The following FHIT variants were observed in gnomAD, a reference collection of about 807,000 sequenced individuals.
FHIT encodes the protein bis(5'-adenosyl)-triphosphatase.
In FHIT, 19 loss-of-function variants were observed where a neutral mutation model predicts 17.9. That is an observed-to-expected ratio of 1.06 (90% CI 0.74 to 1.56). The LOEUF is 1.56. Ranked by LOEUF, FHIT falls within the 40% of genes most tolerant of loss-of-function variation. The probability of loss-of-function intolerance (pLI) is 0.00; values close to 1 mark genes in which losing one functional copy is unlikely to be tolerated. For synonymous variants in FHIT, 81 were observed against 69.7 expected, an observed-to-expected ratio of 1.16 and a Z score of -0.81; for missense variants, 248 against 189.2, an observed-to-expected ratio of 1.31 and a Z score of -1.82.
intron 7 of FHIT, among the ~76,000 whole-genome samples, chr3:59,971,458 G>C (rs990571562): frequency 2.6e-5 from 4 of 151,972 alleles, no homozygotes; most frequent in Non-Finnish European, 5.9e-5. Context: ...GTAAGACACA[G>C]CTGATAGATA....
At chr3:60,450,445 CCTGTATAGAA>C (rs1263983343) in intron 5 of FHIT, among the ~76,000 whole-genome samples, 2 of 151,776 alleles carry the variant, frequency 1.3e-5, no homozygotes, top group Admixed American at 6.6e-5. Flanking sequence ...TTATCCAGGT[CCTGTATAGAA>C]CTGTATAGAA....
At chr3:60,612,057 G>A (rs563199188) in intron 4 of FHIT, among the ~76,000 whole-genome samples, 1 of 152,064 alleles carries the variant, frequency 6.6e-6, no homozygotes, top group Non-Finnish European at 1.5e-5. Context: ...CTCAATCACT[G>A]AACTGGCCCA....
At chr3:60,101,716 G>T (rs562095444) in intron 5 of FHIT, among the ~76,000 whole-genome samples, 2 of 152,254 alleles carry the variant, frequency 1.3e-5, no homozygotes, top group South Asian at 2.1e-4. Flanking sequence ...GATGTAAACA[G>T]TATCTGTGCA....
At chr3:59,909,498 T>G (rs1302160162) in intron 8 of FHIT, among the ~76,000 whole-genome samples, 1 of 152,102 alleles carries the variant, frequency 6.6e-6, no homozygotes, top group East Asian at 1.9e-4. Flanking sequence ...CCTGGCTAAT[T>G]TTTGTATTTT....
At chr3:60,120,495 T>C (rs1289257895) in intron 5 of FHIT, among the ~76,000 whole-genome samples, 2 of 152,240 alleles carry the variant, frequency 1.3e-5, no homozygotes. Flanking sequence ...ACAATCTTCC[T>C]GCTCCAACTT....
chr3:59,847,415 A>C (rs2106775826), intron 8 of FHIT, among the ~76,000 whole-genome samples: 1 of 151,928 alleles, frequency 6.6e-6, no homozygotes, highest in South Asian at 2.1e-4. Flanking sequence ...TCAGCTTTAC[A>C]ATTTATTTTT....
intron 3 of FHIT, among the ~76,000 whole-genome samples, chr3:60,865,475 C>G (rs1175647615): frequency 6.6e-6 from 1 of 152,050 alleles, no homozygotes; most frequent in Non-Finnish European, 1.5e-5. Context: ...TTAGACATGC[C>G]TAATAAAATT....
At chr3:60,453,640 T>C (rs1472209879) in intron 5 of FHIT, among the ~76,000 whole-genome samples, 1 of 152,168 alleles carries the variant, frequency 6.6e-6, no homozygotes, top group East Asian at 1.9e-4. Context: ...TGTAAGTATT[T>C]CAGCTCTAAG....
intron 5 of FHIT, among the ~76,000 whole-genome samples, chr3:60,321,201 C>T (rs1709412103): frequency 6.6e-6 from 1 of 152,160 alleles, no homozygotes; most frequent in South Asian, 2.1e-4. Context: ...GACAGCAGGC[C>T]AGGTACAGTG....
At chr3:60,428,879 C>T (rs950506480) in intron 5 of FHIT, among the ~76,000 whole-genome samples, 2 of 151,958 alleles carry the variant, frequency 1.3e-5, no homozygotes, top group Non-Finnish European at 2.9e-5. Flanking sequence ...AAGAAAATAC[C>T]CAATATGAAT....
intron 5 of FHIT, among the ~76,000 whole-genome samples, chr3:60,303,454 T>C (rs528722311): frequency 6.6e-6 from 1 of 152,284 alleles, no homozygotes; most frequent in African/African-American, 2.4e-5. Flanking sequence ...CAGCAACATT[T>C]ACCAGTATGG....
At chr3:61,216,909 C>G (rs944970454) in intron 1 of FHIT, among the ~76,000 whole-genome samples, 7 of 151,584 alleles carry the variant, frequency 4.6e-5, no homozygotes, top group East Asian at 2.0e-4. Context: ...AAACCAAACA[C>G]CGCATGTTCT....
At chr3:59,751,105 G>GA (rs34399107) in intron 9 of FHIT, 1 of 179,544 alleles carries the variant, frequency 5.6e-6, no homozygotes, top group East Asian at 9.3e-5. Context: ...AGGTTTGCCA[G>GA]AAAAAAATAC....
intron 5 of FHIT, among the ~76,000 whole-genome samples, chr3:60,060,799 T>C (rs1257655302): frequency 6.6e-6 from 1 of 152,202 alleles, no homozygotes; most frequent in African/African-American, 2.4e-5. Flanking sequence ...TTAGATTTAA[T>C]CACAGAGGGA....
At position 61,212,271 on chromosome 3, in the gene FHIT, G is replaced by A. The variant is rs567652181; in HGVS notation, c.-212-11606C>T. ...AACTTTGAAAAAAATTTAGACGATT[G>A]TATAACTAGAATAACCAATACAGAG... On this transcript the variant is annotated intron_variant, in intron 1 of 9. Transcript: ENST00000492590. Among the ~76,000 whole-genome samples the A allele has an allele frequency of 5.9e-5, 9 of 152,282 alleles. No individual in the cohort carries two copies. The South Asian group carries it at 1.9e-3, about 32-fold the overall frequency.
At chr3:60,196,173 G>A (rs549852396) in intron 5 of FHIT, among the ~76,000 whole-genome samples, 7 of 152,204 alleles carry the variant, frequency 4.6e-5, no homozygotes, top group Non-Finnish European at 1.0e-4. Context: ...TATCGTTTTG[G>A]AAGTCAGAAG....
intron 4 of FHIT, among the ~76,000 whole-genome samples, chr3:60,567,966 T>C (rs561069120): frequency 9.9e-5 from 15 of 152,264 alleles, no homozygotes; most frequent in South Asian, 8.3e-4. Flanking sequence ...CAACAGGTGC[T>C]GGAGAGGATG....
chr3:60,325,802 G>A (rs1424581342), intron 5 of FHIT, among the ~76,000 whole-genome samples: 3 of 152,176 alleles, frequency 2.0e-5, no homozygotes, highest in Non-Finnish European at 4.4e-5. Flanking sequence ...TAGTGGAGAG[G>A]ACCAGGAAGG....
At chr3:61,180,251 C>T (rs9876522) in intron 2 of FHIT, among the ~76,000 whole-genome samples, 14,870 of 152,154 alleles carry the variant, frequency 0.098, 2,411 homozygotes, top group African/African-American at 0.34. Context: ...AAAATGTTTG[C>T]TGGGATGTAA....
Sources: allele counts gnomAD v4.1 joint callset (sites outside exome capture counted in the v4.1 genomes callset), GRCh38; gene constraint gnomAD v4.1.1; transcripts MANE v1.5; gene names NCBI Gene and HGNC (gene_info 2026-07-23, HGNC 2026-07-21).